Variants in PCDHGA10 observed in about 807,000 individuals in gnomAD.
PCDHGA10 encodes the protein protocadherin gamma-A10.
In PCDHGA10, 42 loss-of-function variants were observed where a neutral mutation model predicts 59.5. That is an observed-to-expected ratio of 0.71 (90% CI 0.55 to 0.91). The LOEUF is 0.91. Among genes scored for constraint, PCDHGA10 ranks in the 40% least tolerant of loss-of-function variants. The pLI, the probability that PCDHGA10 is intolerant of heterozygous loss-of-function variation, is 0.00. For missense variants in PCDHGA10, 1,111 were observed against 1,198.2 expected (o/e 0.93, Z 1.07); for synonymous variants, 511 against 517.2 (o/e 0.99, Z 0.16).
At position 141,432,003 on chromosome 5, in the gene PCDHGA10, T is replaced by A; in HGVS notation, c.2436+16392T>A. On this transcript the variant is annotated intron_variant, in intron 1 of 3. Coordinates refer to ENST00000398610, the MANE Select transcript of PCDHGA10 (RefSeq NM_018913.3). This position sits in a 1 kb window ranked among gnomAD's most constrained non-coding sequence, Gnocchi z 6.0. ...GACATAGTCTTGGATAGGGAACAGG[T>A]TCCTAGCTACAACATCACAGTGACC... The A allele has an allele frequency of 6.2e-7, 1 of 1,614,116 alleles. No individual in the cohort carries two copies.
intron 1 of PCDHGA10, among the ~76,000 whole-genome samples, chr5:141,464,723 T>A (rs1166321691): frequency 6.6e-6 from 1 of 152,156 alleles, no homozygotes; most frequent in Non-Finnish European, 1.5e-5. Flanking sequence ...TTTCATATGT[T>A]TAAAAGCCAG....
chr5:141,453,784 G>T (rs767312144), intron 1 of PCDHGA10, among the ~76,000 whole-genome samples: 47 of 152,298 alleles, frequency 3.1e-4, no homozygotes, highest in Non-Finnish European at 5.6e-4. Flanking sequence ...AGTTACCATG[G>T]TATATTAACT....
At chr5:141,445,284 C>A (rs2098462533) in intron 1 of PCDHGA10, among the ~76,000 whole-genome samples, 1 of 152,178 alleles carries the variant, frequency 6.6e-6, no homozygotes, top group African/African-American at 2.4e-5. Flanking sequence ...TGCATAAGTT[C>A]AGGCTTCCAT....
Position 141,491,687 on chromosome 5 carries a change from G to A in PCDHGA10, c.2437-3120G>A. On this transcript the variant is annotated intron_variant, in intron 1 of 3. Transcript: ENST00000398610. This position sits in a 1 kb window ranked among gnomAD's most constrained non-coding sequence, Gnocchi z 6.9. Reference sequence around the variant, plus strand: ...ATCCGGTCCCGCTCTAATACGCTGCGGGAGCGGAGCCAGGTGAGGGGCTCG... The same window carrying A: ...ATCCGGTCCCGCTCTAATACGCTGCAGGAGCGGAGCCAGGTGAGGGGCTCG... The A allele has an allele frequency of 6.2e-7, 1 of 1,613,072 alleles. No homozygotes were observed. The highest frequency in any genetic ancestry group is 8.5e-7 in the Non-Finnish European group (1 of 1,179,608).
rs777537045 is a variant in PCDHGA10 at position 141,490,191 on chromosome 5, A to T, written c.2437-4616A>T. The T allele has an allele frequency of 6.2e-7, 1 of 1,614,176 alleles. No homozygotes were observed. The highest frequency in any genetic ancestry group is 1.1e-5 in the South Asian group (1 of 91,082). On this transcript the variant is annotated intron_variant, in intron 1 of 3. Coordinates refer to ENST00000398610, the MANE Select transcript of PCDHGA10 (RefSeq NM_018913.3). The surrounding 1 kb of genome is among the most constrained non-coding windows in gnomAD (Gnocchi z 5.4). ...ACTTTGAGGAGTCACGTTTCTATGA[A>T]ATTCATGCAAGAGCCCGTGACCAGG...
chr5:141,432,276 C>G lies in PCDHGA10; in HGVS notation c.2436+16665C>G, dbSNP rs747589363. ...GGGGCAAGCCTATCGTCCTACGTGT[C>G]CATCAACTCCGACACTGGGGTACTG... On this transcript the variant is annotated intron_variant, in intron 1 of 3. Transcript: ENST00000398610. The surrounding 1 kb of genome is among the most constrained non-coding windows in gnomAD (Gnocchi z 6.0). 6.2e-7 allele frequency: 1 copy of G among 1,614,236 alleles called. No homozygotes were observed. Among genetic ancestry groups the G allele is most frequent in the Non-Finnish European group, 8.5e-7 (1 of 1,180,044 alleles).
intron 1 of PCDHGA10, among the ~76,000 whole-genome samples, chr5:141,464,263 T>TA (rs35224477): frequency 7.1e-4 from 74 of 103,538 alleles, no homozygotes; most frequent in East Asian, 1.9e-3. Flanking sequence ...AGACTCCGTC[T>TA]AAAAAAAAAA....
At position 141,511,983 on chromosome 5, in the gene PCDHGA10, G is replaced by A. The variant is rs904146751; in HGVS notation, c.*810G>A. 6.5e-6 allele frequency: 1 copy of A among 153,280 alleles called. No homozygotes were observed. The highest frequency in any genetic ancestry group is 1.5e-5 in the Non-Finnish European group (1 of 68,572). The allele number at this position is 153,280 out of a possible 1,614,324, so 9.5% of individuals were successfully genotyped here. A position where few individuals can be genotyped will look rare whatever the true frequency, so the allele number is the denominator to read the frequency against. ...AGGGAAGTGTGTGGATGTGGATGGT[G>A]GGGGCATGGACAAAGCTTGACACAT... On this transcript the variant is annotated 3_prime_UTR_variant, in exon 4 of 4. Coordinates refer to ENST00000398610, the MANE Select transcript of PCDHGA10 (RefSeq NM_018913.3).
In PCDHGA10 at chr5:141,494,836, C is replaced by G. The variant is rs1016713543; in HGVS notation, c.2466C>G (p.Phe822Leu). ...CCCCGCCCAACACGGACTGGCGTTT[C>G]TCTCAGGCCCAGAGACCCGGCACCA... ...PQAPPNTDWR[F>L]SQAQRPGTSG... The change falls in exon 2 of 4, where the codon TTC (phenylalanine) becomes TTG (leucine). Residue 822 changes from phenylalanine (F) to leucine (L), a missense_variant. Phe to Leu is a conservative substitution (Grantham distance 22, BLOSUM62 0). Coordinates refer to ENST00000398610, the MANE Select transcript of PCDHGA10 (RefSeq NM_018913.3). 1.9e-6 allele frequency: 3 copies of G among 1,614,054 alleles called. No individual in the cohort carries two copies. The highest frequency in any genetic ancestry group is 2.7e-5 in the African/African-American group (2 of 74,932).
In PCDHGA10 at chr5:141,485,615, C is replaced by G; in HGVS notation, c.2437-9192C>G. ...CTTGGAAATTGGGGAGGCAGCTCCTCCAGGACAGCGTTTCCCGTTGGAAAA... is the reference window on the plus strand; with the variant it reads ...CTTGGAAATTGGGGAGGCAGCTCCTGCAGGACAGCGTTTCCCGTTGGAAAA... On this transcript the variant is annotated intron_variant, in intron 1 of 3. Coordinates refer to ENST00000398610, the MANE Select transcript of PCDHGA10 (RefSeq NM_018913.3). This position sits in a 1 kb window ranked among gnomAD's most constrained non-coding sequence, Gnocchi z 5.7. 6.2e-7 allele frequency: 1 copy of G among 1,612,250 alleles called. No individual in the cohort carries two copies. The highest frequency in any genetic ancestry group is 1.3e-5 in the African/African-American group (1 of 74,992).
In PCDHGA10 at chr5:141,448,679, G is replaced by A. The variant is rs113043083; in HGVS notation, c.2436+33068G>A. On this transcript the variant is annotated intron_variant, in intron 1 of 3. Coordinates refer to ENST00000398610, the MANE Select transcript of PCDHGA10 (RefSeq NM_018913.3). Reference sequence around the variant, plus strand: ...ATATTGGCCGGGCGCGGTGGCTCACGCCTGTAATCGCAGCACTTTGGGAGG... The same window carrying A: ...ATATTGGCCGGGCGCGGTGGCTCACACCTGTAATCGCAGCACTTTGGGAGG... Among the ~76,000 whole-genome samples the A allele has an allele frequency of 8.3e-3, 1,260 of 152,126 alleles. 17 individuals are homozygous for A. Among genetic ancestry groups the A allele is most frequent in the African/African-American group, 0.029 (1,195 of 41,496 alleles).
intron 1 of PCDHGA10, chr5:141,478,819 C>G (rs927315523): frequency 2.1e-6 from 3 of 1,447,842 alleles, no homozygotes; most frequent in Non-Finnish European, 2.7e-6. Context: ...CACAACTAAC[C>G]AATCTTGCTA....
Position 141,476,023 on chromosome 5 carries a change from G to A in PCDHGA10, c.2437-18784G>A. 1 of 1,415,690 alleles carries A rather than the reference G, an allele frequency of 7.1e-7. No homozygotes were observed. The highest frequency in any genetic ancestry group is 2.3e-5 in the Admixed American group (1 of 43,980). 87.7% of individuals were successfully genotyped at this position (1,415,690 alleles called of 1,614,324 possible). A position where few individuals can be genotyped will look rare whatever the true frequency, so the allele number is the denominator to read the frequency against. ...CATCCAGAAAGCCATGTCGGACTCG[G>A]CGCCCAGCGCCCAAGCGCTAACCCG... On this transcript the variant is annotated intron_variant, in intron 1 of 3. Coordinates refer to ENST00000398610, the MANE Select transcript of PCDHGA10 (RefSeq NM_018913.3). This position sits in a 1 kb window ranked among gnomAD's most constrained non-coding sequence, Gnocchi z 7.6.
rs1160156030 is a variant in PCDHGA10 at position 141,477,238 on chromosome 5, C to T, written c.2437-17569C>T. 20 of 1,614,094 alleles carry T rather than the reference C, an allele frequency of 1.2e-5. No individual in the cohort carries two copies. The highest frequency in any genetic ancestry group is 5.0e-5 in the Admixed American group (3 of 60,006). The stretch of plus-strand genomic sequence containing the variant: ...CTCTGGGGACTGTCATCGCTTTGCT[C>T]AGTGTGACTGACCTGGATGCTGGCG... On this transcript the variant is annotated intron_variant, in intron 1 of 3. Transcript: ENST00000398610. This position sits in a 1 kb window ranked among gnomAD's most constrained non-coding sequence, Gnocchi z 4.9.
chr5:141,475,705 A>G (rs2099367264), intron 1 of PCDHGA10, among the ~76,000 whole-genome samples: 1 of 152,246 alleles, frequency 6.6e-6, no homozygotes. Flanking sequence ...CAGAACGGCT[A>G]GCCTCACAGC....
chr5:141,500,062 TAA>T (rs1314388217), intron 2 of PCDHGA10, among the ~76,000 whole-genome samples: 1 of 152,144 alleles, frequency 6.6e-6, no homozygotes, highest in East Asian at 1.9e-4. Flanking sequence ...TCTTTTAATG[TAA>T]AAGACTTCCC....
chr5:141,414,751 T>C lies in PCDHGA10; in HGVS notation c.1576T>C (p.Tyr526His), dbSNP rs2095785645. The C allele has an allele frequency of 2.5e-6, 4 of 1,614,084 alleles. No individual in the cohort carries two copies. Among genetic ancestry groups the C allele is most frequent in the Non-Finnish European group, 1.7e-6 (2 of 1,180,038 alleles). Residue 526 changes from tyrosine to histidine, a missense_variant, in exon 1 of 4, where the codon TAT becomes CAT. By Grantham distance (83) the Tyr-to-His change is moderately conservative. Transcript: ENST00000398610. ...CCTGTATGCACTCAGATCCTTCGAC[T>C]ATGAGCAGTTTCATGAGCTACAGAT... ...GVLYALRSFD[Y>H]EQFHELQMQV...
Position 141,490,749 on chromosome 5 carries a change from C to T in PCDHGA10, c.2437-4058C>T, listed in dbSNP as rs777124697. 3.1e-6 allele frequency: 5 copies of T among 1,614,098 alleles called. No individual in the cohort carries two copies. The South Asian group carries it at 5.5e-5, about 18-fold the overall frequency. ...GAAATCAGGTTCAGGGAGCCCCAGC[C>T]TCCTCCTTTGTGTATGTCAACCCAG... On this transcript the variant is annotated intron_variant, in intron 1 of 3. Coordinates refer to ENST00000398610, the MANE Select transcript of PCDHGA10 (RefSeq NM_018913.3). The surrounding 1 kb of genome is among the most constrained non-coding windows in gnomAD (Gnocchi z 5.4).
chr5:141,467,376 A>G (rs1391386659), intron 1 of PCDHGA10, among the ~76,000 whole-genome samples: 2 of 151,990 alleles, frequency 1.3e-5, no homozygotes. Flanking sequence ...CTTATATTGC[A>G]TTTAGGTTTT....
Sources: gnomAD v4.1 joint callset for allele counts (sites outside exome capture counted in the v4.1 genomes callset) on GRCh38, gnomAD v4.1.1 for gene constraint, Gnocchi (gnomAD v3.1) non-coding constraint, MANE v1.5 for transcripts, NCBI Gene and HGNC (gene_info 2026-07-23, HGNC 2026-07-21) for gene names.